Variants in PLCZ1 observed in about 807,000 individuals in gnomAD.
PLCZ1 encodes phospholipase C zeta 1, also known as 1-phosphatidylinositol 4,5-bisphosphate phosphodiesterase zeta-1.
A neutral mutation model predicts 76.8 loss-of-function variants in PLCZ1; 64 were observed. That is an observed-to-expected ratio of 0.83 (90% confidence interval 0.68 to 1.03). PLCZ1 has a LOEUF of 1.03. Ranked by LOEUF, PLCZ1 falls within the 50% of genes least tolerant of loss-of-function variation. The probability of loss-of-function intolerance (pLI) is 0.00; values close to 1 mark genes in which losing one functional copy is unlikely to be tolerated. For missense variants in PLCZ1, 751 were observed against 713.7 expected, an observed-to-expected ratio of 1.05 and a Z score of -0.60; for synonymous variants, 248 against 230.8, an observed-to-expected ratio of 1.07 and a Z score of -0.68.
chr12:18,652,381 A>T, the PLCZ1 span, among the ~76,000 whole-genome samples: 21 of 152,256 alleles, frequency 1.4e-4, 1 homozygote, highest in African/African-American at 5.1e-4. Flanking sequence ...CAAGTCAAGG[A>T]ATGCTAAAGA....
chr12:18,719,598 A>G lies in PLCZ1; in HGVS notation c.402T>C (p.Phe134=). The G allele has an allele frequency of 6.2e-7, 1 of 1,605,436 alleles. No homozygotes were observed. The highest frequency in any genetic ancestry group is 1.7e-5 in the Admixed American group (1 of 59,310). Residue 134 remains phenylalanine (F), a synonymous_variant, in exon 5 of 15, where the codon TTT becomes TTC. Transcript: ENST00000266505. ...RKAHQMSLEG[F]TRYMDSRECL... Reference sequence around the variant, plus strand: ...ATTCACGTGAATCCATGTATCTTGTAAAACCTTCTAATGACATTTGGTGTG... The same window carrying G: ...ATTCACGTGAATCCATGTATCTTGTGAAACCTTCTAATGACATTTGGTGTG...
In PLCZ1 at chr12:18,696,030, A is replaced by C. The variant is rs1326884016; in HGVS notation, c.1291+120T>G. 12 of 596,258 alleles carry C rather than the reference A, an allele frequency of 2.0e-5. 1 individual carries two copies. Among genetic ancestry groups the C allele is most frequent in the Middle Eastern group, 4.7e-4 (1 of 2,130 alleles). 36.9% of individuals were successfully genotyped at this position (596,258 alleles called of 1,614,324 possible). A position where few individuals can be genotyped will look rare whatever the true frequency, so the allele number is the denominator to read the frequency against. On this transcript the variant is annotated intron_variant, in intron 11 of 14. Transcript: ENST00000266505. ...TGACCCACCATTAGTGCCTGACCCC[A>C]AAGCCCCCGGGCTAAAAAATCTTTT...
At chr12:18,707,927 C>A (rs573797883) in intron 6 of PLCZ1, among the ~76,000 whole-genome samples, 1 of 152,072 alleles carries the variant, frequency 6.6e-6, no homozygotes, top group Non-Finnish European at 1.5e-5. Context: ...ATGGAACACA[C>A]GTAGATAGTA....
In PLCZ1 at chr12:18,695,076, G is replaced by A; in HGVS notation, c.1295C>T (p.Ala432Val). ...EFWNIGCQMV[A>V]LNFQTPGLPM... The stretch of plus-strand genomic sequence containing the variant: ...CAGACCAGGGGTCTGGAAATTTAAA[G>A]CCACTGTAAGAAAGAAGTATTTTGA... The change falls in exon 12 of 15, where the codon GCT becomes GTT. Residue 432 changes from alanine to valine, a missense_variant. Physicochemically the swap from Ala to Val is moderately conservative, Grantham distance 64. Coordinates refer to ENST00000266505, the MANE Select transcript of PLCZ1 (RefSeq NM_033123.4). The A allele has an allele frequency of 6.2e-7, 1 of 1,612,104 alleles. No homozygotes were observed. The highest frequency in any genetic ancestry group is 8.5e-7 in the Non-Finnish European group (1 of 1,178,594).
the PLCZ1 span, among the ~76,000 whole-genome samples, chr12:18,662,465 G>T: frequency 1.3e-5 from 2 of 151,924 alleles, no homozygotes; most frequent in Non-Finnish European, 2.9e-5. Flanking sequence ...ACTAAAGGTG[G>T]CCTCACACTT....
At chr12:18,712,771 G>T in intron 6 of PLCZ1, 71 bp downstream of exon 6, 1 of 1,548,360 alleles carries the variant, frequency 6.5e-7, no homozygotes, top group South Asian at 1.1e-5. Flanking sequence ...AAGCATTATA[G>T]GATTTTGAAG....
intron 4 of PLCZ1, among the ~76,000 whole-genome samples, chr12:18,722,586 T>A (rs1958503474): frequency 6.6e-6 from 1 of 152,122 alleles, no homozygotes; most frequent in Non-Finnish European, 1.5e-5. Context: ...GCTTTAACAA[T>A]GTTTTGGTAC....
At chr12:18,686,651 C>T (rs1291620771) in intron 13 of PLCZ1, among the ~76,000 whole-genome samples, 2 of 152,014 alleles carry the variant, frequency 1.3e-5, no homozygotes, top group Non-Finnish European at 2.9e-5. Context: ...AAAGTGCCCC[C>T]TTGGAGTACA....
At chr12:18,693,373 A>G (rs1954437481) in intron 12 of PLCZ1, 1 of 1,603,854 alleles carries the variant, frequency 6.2e-7, no homozygotes, top group Non-Finnish European at 8.5e-7. Context: ...GAAATTAAGG[A>G]ATCTGTGGAG....
intron 3 of PLCZ1, among the ~76,000 whole-genome samples, chr12:18,723,927 C>T (rs1958599149): frequency 1.3e-5 from 2 of 152,052 alleles, no homozygotes; most frequent in South Asian, 2.1e-4. Flanking sequence ...GAGTCAGACA[C>T]ATTCAAGATC....
At chr12:18,668,872 C>T in the PLCZ1 span, among the ~76,000 whole-genome samples, 2 of 152,060 alleles carry the variant, frequency 1.3e-5, no homozygotes, top group Non-Finnish European at 2.9e-5. Context: ...GACAAAAATT[C>T]TGATGGATCT....
chr12:18,723,269 C>T, intron 4 of PLCZ1, 42 bp downstream of exon 4: 2 of 1,509,490 alleles, frequency 1.3e-6, no homozygotes, highest in South Asian at 1.2e-5. Flanking sequence ...AAAAATACTT[C>T]ACATATAAAT....
At chr12:18,670,294 G>GCA in the PLCZ1 span, among the ~76,000 whole-genome samples, 5,468 of 150,284 alleles carry the variant, frequency 0.036, 140 homozygotes, top group Middle Eastern at 0.099. Context: ...ACACATATGC[G>GCA]CACACACACA....
chr12:18,702,665 T>C (rs1427844979), intron 7 of PLCZ1, among the ~76,000 whole-genome samples: 2 of 152,248 alleles, frequency 1.3e-5, no homozygotes, highest in East Asian at 3.9e-4. Flanking sequence ...AAGAATATTA[T>C]CAGAAGTGCT....
chr12:18,723,123 G>A (rs1235228396), intron 4 of PLCZ1, among the ~76,000 whole-genome samples, 188 bp downstream of exon 4: 1 of 151,890 alleles, frequency 6.6e-6, no homozygotes, highest in Non-Finnish European at 1.5e-5. Context: ...TGTCATGGTT[G>A]CATACTATAG....
At chr12:18,693,182 T>C in intron 12 of PLCZ1, 2 of 1,553,036 alleles carry the variant, frequency 1.3e-6, no homozygotes, top group Non-Finnish European at 1.8e-6. Flanking sequence ...ACATCAGCAT[T>C]CTTTCATTTG....
chr12:18,676,448 A>G, the PLCZ1 span, among the ~76,000 whole-genome samples: 21 of 152,224 alleles, frequency 1.4e-4, 1 homozygote, highest in East Asian at 4.1e-3. Flanking sequence ...TTCTTCAGTG[A>G]AAATGCCTGC....
chr12:18,698,048 T>TCCTGTCCTCATGAACAACATGAGGA lies in PLCZ1; in HGVS notation c.1174+1721_1174+1745dup, dbSNP rs937118754. Among the ~76,000 whole-genome samples, 243 of 151,914 alleles carry TCCTGTCCTCATGAACAACATGAGGA rather than the reference T, an allele frequency of 1.6e-3. 1 individual carries two copies. The highest frequency in any genetic ancestry group is 6.8e-3 in the Middle Eastern group (2 of 294). ...AATTAATTTATGCTGTGCCTACAGG[T>TCCTGTCCTCATGAACAACATGAGGA]CCTGTCCTCATGAACAACATGAGGA... On this transcript the variant is annotated intron_variant, in intron 10 of 14. Transcript: ENST00000266505.
downstream of PLCZ1, among the ~76,000 whole-genome samples, chr12:18,678,861 AC>A (rs896013666): frequency 1.6e-4 from 25 of 152,124 alleles, no homozygotes; most frequent in African/African-American, 5.8e-4. Flanking sequence ...AATATCTAGG[AC>A]CAAAAAGCTT....
Sources: allele counts gnomAD v4.1 joint callset (sites outside exome capture counted in the v4.1 genomes callset), GRCh38; gene constraint gnomAD v4.1.1; transcripts MANE v1.5; gene names NCBI Gene and HGNC (gene_info 2026-07-23, HGNC 2026-07-21).